Variants in DPP10 observed in about 807,000 individuals in gnomAD.
DPP10 encodes dipeptidyl peptidase like 10.
In DPP10, 33 loss-of-function variants were observed where a neutral mutation model predicts 120.9. The ratio of observed to expected loss-of-function variants is 0.27; its 90% CI spans 0.21 to 0.37. DPP10 has a LOEUF of 0.37. Ranked by LOEUF, DPP10 falls within the 10% of genes least tolerant of loss-of-function variation. The probability of loss-of-function intolerance (pLI) is 1.00; values close to 1 mark genes in which losing one functional copy is unlikely to be tolerated. For synonymous variants in DPP10, 337 were observed against 326.1 expected, an observed-to-expected ratio of 1.03 and a Z score of -0.36; for missense variants, 816 against 942.8, an observed-to-expected ratio of 0.87 and a Z score of 1.76.
chr2:115,756,541 C>A (rs952315556), intron 11 of DPP10, among the ~76,000 whole-genome samples: 3 of 151,880 alleles, frequency 2.0e-5, no homozygotes, highest in African/African-American at 7.3e-5. Context: ...AATAATTTTA[C>A]ATCAATTAAA....
chr2:115,820,013 A>T (rs888924897), intron 21 of DPP10, among the ~76,000 whole-genome samples: 2 of 152,190 alleles, frequency 1.3e-5, no homozygotes, highest in Non-Finnish European at 1.5e-5. Flanking sequence ...ACAAAAAACA[A>T]ATATAAGCAT....
intron 1 of DPP10, among the ~76,000 whole-genome samples, chr2:114,708,386 G>A (rs1700815552): frequency 6.6e-6 from 1 of 152,122 alleles, no homozygotes; most frequent in Non-Finnish European, 1.5e-5. Flanking sequence ...CTTATGTCAG[G>A]ACACTGTATC....
chr2:115,388,060 T>C (rs1028532584), intron 3 of DPP10, among the ~76,000 whole-genome samples: 1 of 152,170 alleles, frequency 6.6e-6, no homozygotes, highest in Non-Finnish European at 1.5e-5. Context: ...TTAAAAAATA[T>C]ATATGACGTA....
At position 114,806,429 on chromosome 2, in the gene DPP10, T is replaced by C. The variant is rs114433550; in HGVS notation, c.60+363591T>C. Among the ~76,000 whole-genome samples, 845 of 152,352 alleles carry C rather than the reference T, an allele frequency of 5.5e-3. 10 individuals are homozygous for C. Among genetic ancestry groups the C allele is most frequent in the African/African-American group, 0.02 (816 of 41,592 alleles). ...GAATCCAAGCCTAACTATTCTTTTC[T>C]TACTAAACCATTTTGATTTATTCTC... On this transcript the variant is annotated intron_variant, in intron 1 of 25. Transcript: ENST00000410059.
At chr2:114,898,517 A>T (rs943202030) in intron 1 of DPP10, among the ~76,000 whole-genome samples, 7 of 152,180 alleles carry the variant, frequency 4.6e-5, no homozygotes, top group Non-Finnish European at 7.3e-5. Context: ...AATAAAAAAA[A>T]AAATAAAGGT....
At chr2:115,181,433 G>A (rs895580984) in intron 1 of DPP10, among the ~76,000 whole-genome samples, 4 of 152,256 alleles carry the variant, frequency 2.6e-5, no homozygotes, top group East Asian at 3.9e-4. Context: ...CATTCATCCG[G>A]TAGCTGGAAG....
At chr2:115,162,060 CG>C (rs1433055105) in intron 1 of DPP10, 1 of 1,448,770 alleles carries the variant, frequency 6.9e-7, no homozygotes, top group Admixed American at 2.7e-5. Context: ...CAGGCCCTCC[CG>C]GGAGGGGTGG....
chr2:115,170,610 T>C (rs1420346214), intron 1 of DPP10, among the ~76,000 whole-genome samples: 1 of 152,208 alleles, frequency 6.6e-6, no homozygotes. Context: ...TGTACTTTTT[T>C]AGAGTACTAT....
intron 1 of DPP10, among the ~76,000 whole-genome samples, chr2:114,594,260 T>C (rs1342646257): frequency 1.3e-5 from 2 of 151,878 alleles, no homozygotes; most frequent in Non-Finnish European, 2.9e-5. Flanking sequence ...AGACTCCAAG[T>C]TTTTCAGTTT....
intron 4 of DPP10, among the ~76,000 whole-genome samples, chr2:115,511,464 A>G (rs1430948357): frequency 2.0e-5 from 3 of 151,722 alleles, no homozygotes; most frequent in African/African-American, 7.3e-5. Flanking sequence ...ATTTTTTCTC[A>G]TCCATCTATC....
Position 115,070,633 on chromosome 2 carries a change from C to T in DPP10, c.61-238606C>T, listed in dbSNP as rs1450227123. 5.9e-5 allele frequency among the ~76,000 whole-genome samples: 9 copies of T among 151,908 alleles called. No homozygotes were observed. In the East Asian group the frequency reaches 1.7e-3, roughly 29 times the overall value. On this transcript the variant is annotated intron_variant, in intron 1 of 25. Coordinates refer to ENST00000410059, the MANE Select transcript of DPP10 (RefSeq NM_020868.6). The stretch of plus-strand genomic sequence containing the variant: ...TACCATAGTATTGACTATCAAACAG[C>T]CATATGATTATAGTATATGATGTAC...
intron 1 of DPP10, among the ~76,000 whole-genome samples, chr2:114,993,578 G>GTA (rs1384073454): frequency 0.11 from 9,532 of 88,902 alleles, 430 homozygotes; most frequent in Middle Eastern, 0.17. Flanking sequence ...GTGTGTGTGT[G>GTA]TGTATATATA....
At chr2:115,751,199 T>C (rs929936058) in intron 10 of DPP10, among the ~76,000 whole-genome samples, 11 of 152,350 alleles carry the variant, frequency 7.2e-5, no homozygotes, top group Admixed American at 2.0e-4. Flanking sequence ...TTTATAGTAC[T>C]TACTATCATT....
At chr2:115,779,278 T>C (rs1438503775) in intron 15 of DPP10, among the ~76,000 whole-genome samples, 3 of 152,096 alleles carry the variant, frequency 2.0e-5, no homozygotes, top group African/African-American at 7.2e-5. Flanking sequence ...TAGTCGACAG[T>C]GTTACAAAGA....
At chr2:114,485,739 G>T (rs2104702715) in intron 1 of DPP10, among the ~76,000 whole-genome samples, 1 of 151,858 alleles carries the variant, frequency 6.6e-6, no homozygotes, top group African/African-American at 2.4e-5. Flanking sequence ...CTTTTCCCTT[G>T]CCTTATTCTT....
intron 1 of DPP10, among the ~76,000 whole-genome samples, chr2:114,815,500 C>T (rs974475117): frequency 3.9e-5 from 6 of 152,160 alleles, no homozygotes; most frequent in African/African-American, 1.4e-4. Context: ...ATGTCTGCTT[C>T]ATTTTTACTT....
At chr2:114,500,412 A>G (rs1249171425) in intron 1 of DPP10, among the ~76,000 whole-genome samples, 1 of 152,216 alleles carries the variant, frequency 6.6e-6, no homozygotes, top group African/African-American at 2.4e-5. Context: ...GACAATTTTC[A>G]CAACTTTACT....
At chr2:114,881,843 A>G (rs17043710) in intron 1 of DPP10, among the ~76,000 whole-genome samples, 3,821 of 152,212 alleles carry the variant, frequency 0.025, 148 homozygotes, top group African/African-American at 0.082. Context: ...GTGAATTCAA[A>G]GAGACACCAG....
intron 3 of DPP10, among the ~76,000 whole-genome samples, chr2:115,407,749 C>T (rs1574743609): frequency 6.6e-6 from 1 of 152,058 alleles, no homozygotes; most frequent in African/African-American, 2.4e-5. Flanking sequence ...CAGTCCTAAG[C>T]CAACCAGTTT....
Sources: allele counts gnomAD v4.1 joint callset (sites outside exome capture counted in the v4.1 genomes callset), GRCh38; gene constraint gnomAD v4.1.1; transcripts MANE v1.5; gene names NCBI Gene and HGNC (gene_info 2026-07-23, HGNC 2026-07-21).